EVA1C: variants seen among roughly 807,000 people sequenced by gnomAD.
EVA1C encodes the protein eva-1 homolog C.
A neutral mutation model predicts 45.4 loss-of-function variants in EVA1C; 25 were observed. The observed-to-expected ratio is 0.55, with a 90% CI of 0.40 to 0.77. EVA1C has a LOEUF of 0.77. Among genes scored for constraint, EVA1C ranks in the 30% least tolerant of loss-of-function variants. EVA1C has a pLI of 0.00. For missense variants in EVA1C, 479 were observed against 554.8 expected (o/e 0.86, Z 1.37); for synonymous variants, 190 against 221.2 (o/e 0.86, Z 1.25).
At chr21:32,489,186 T>C (rs530117650) in intron 4 of EVA1C, among the ~76,000 whole-genome samples, 45 of 152,376 alleles carry the variant, frequency 3.0e-4, no homozygotes, top group African/African-American at 1.1e-3. Flanking sequence ...TCAAGGAGTT[T>C]TCCCCCTGGG....
chr21:32,457,045 A>G (rs2035807625), intron 2 of EVA1C, among the ~76,000 whole-genome samples: 1 of 152,206 alleles, frequency 6.6e-6, no homozygotes, highest in South Asian at 2.1e-4. Flanking sequence ...GAGGGTGGGA[A>G]TCAGCTTTGT....
At chr21:32,497,079 T>A in intron 5 of EVA1C, 1 of 1,032,136 alleles carries the variant, frequency 9.7e-7, no homozygotes, top group East Asian at 2.4e-5. Context: ...GACAGGATGG[T>A]CTGCTTTTTA....
intron 5 of EVA1C, among the ~76,000 whole-genome samples, chr21:32,500,444 C>T (rs767675747): frequency 2.6e-4 from 40 of 152,000 alleles, no homozygotes; most frequent in Admixed American, 6.6e-5. Context: ...AGCCATCATG[C>T]CCAGCCCAGA....
intron 4 of EVA1C, among the ~76,000 whole-genome samples, chr21:32,480,673 AC>A (rs1391313508): frequency 6.6e-6 from 1 of 152,056 alleles, no homozygotes; most frequent in Non-Finnish European, 1.5e-5. Flanking sequence ...GTCTCAAAAA[AC>A]TTTTTTTGCC....
chr21:32,451,719 G>A (rs1425353079), intron 1 of EVA1C, among the ~76,000 whole-genome samples: 1 of 152,200 alleles, frequency 6.6e-6, no homozygotes, highest in Admixed American at 6.5e-5. Flanking sequence ...GGCCGGCAAC[G>A]CTCGGCATTC....
Position 32,413,899 on chromosome 21 carries a change from C to T in EVA1C, c.160+886C>T, listed in dbSNP as rs1474492488. Reference sequence around the variant, plus strand: ...TTAGGGAGCAGCTCTGAGCCCCATACTCCTCCTTCTCCAGGGATCTTCTGC... The same window carrying T: ...TTAGGGAGCAGCTCTGAGCCCCATATTCCTCCTTCTCCAGGGATCTTCTGC... On this transcript the variant is annotated intron_variant, in intron 1 of 7. Coordinates refer to ENST00000300255, the MANE Select transcript of EVA1C (RefSeq NM_058187.5). Among the ~76,000 whole-genome samples the T allele has an allele frequency of 8.5e-5, 13 of 152,226 alleles. 1 individual carries two copies. Among genetic ancestry groups the T allele is most frequent in the Non-Finnish European group, 1.5e-5 (1 of 68,040 alleles).
Position 32,467,719 on chromosome 21 carries a change from T to C in EVA1C, c.505T>C (p.Cys169Arg). 2 of 1,608,180 alleles carry C rather than the reference T, an allele frequency of 1.2e-6. No individual in the cohort carries two copies. Among genetic ancestry groups the C allele is most frequent in the Non-Finnish European group, 1.7e-6 (2 of 1,177,824 alleles). ...AGATGAATTAAAAAACAAAACCGTG[T>C]GTGAAGACCAGGAGCTGAAACTGCA... Reference protein sequence around the residue: ...QPNELKNKTVCEDQELKLHCH... With the variant: ...QPNELKNKTVREDQELKLHCH... Residue 169 changes from cysteine to arginine, a missense_variant, in exon 4 of 8, where the codon TGT (cysteine) becomes CGT (arginine). Around this residue, in one of 3 missense-constraint regions of EVA1C, gnomAD observed 366 missense variants for 426.1 expected, o/e 0.86. Transcript: ENST00000300255.
intron 1 of EVA1C, among the ~76,000 whole-genome samples, chr21:32,442,781 C>A (rs920381938): frequency 6.6e-6 from 1 of 151,550 alleles, no homozygotes; most frequent in Non-Finnish European, 1.5e-5. Context: ...GACTTTAGCA[C>A]ACCGATGTGG....
chr21:32,459,739 G>A (rs2035927388), intron 3 of EVA1C, among the ~76,000 whole-genome samples: 1 of 151,768 alleles, frequency 6.6e-6, no homozygotes, highest in South Asian at 2.1e-4. Flanking sequence ...TAGTAGGGAG[G>A]CTGAGGCAGG....
chr21:32,417,733 TG>T (rs2146100201), intron 1 of EVA1C, among the ~76,000 whole-genome samples: 1 of 152,318 alleles, frequency 6.6e-6, no homozygotes, highest in South Asian at 2.1e-4. Flanking sequence ...TTGTTCATTT[TG>T]GAGAGGTTGA....
intron 4 of EVA1C, among the ~76,000 whole-genome samples, chr21:32,481,669 C>T (rs187440534): frequency 1.1e-4 from 16 of 152,232 alleles, no homozygotes; most frequent in Admixed American, 2.0e-4. Context: ...AAACTGTCTT[C>T]TATTTAGACA....
chr21:32,460,438 C>T (rs1219486673), intron 3 of EVA1C, among the ~76,000 whole-genome samples: 1 of 152,204 alleles, frequency 6.6e-6, no homozygotes, highest in Non-Finnish European at 1.5e-5. Flanking sequence ...TTATTTGTGG[C>T]TTGTGTATGA....
chr21:32,511,419 CAAA>C (rs749141703), intron 7 of EVA1C, among the ~76,000 whole-genome samples: 13 of 47,608 alleles, frequency 2.7e-4, no homozygotes, highest in East Asian at 6.3e-4. Context: ...AACTCCGTCT[CAAA>C]AAAAAAAAAA....
At chr21:32,501,649 G>C (rs2037535301) in intron 6 of EVA1C, 154 bp downstream of exon 6, 1 of 827,630 alleles carries the variant, frequency 1.2e-6, no homozygotes, top group Non-Finnish European at 1.7e-6. Flanking sequence ...CTTATTATCG[G>C]CCAATAGTTG....
At chr21:32,413,262 G>C (rs773554555) in intron 1 of EVA1C, among the ~76,000 whole-genome samples, 1 of 152,360 alleles carries the variant, frequency 6.6e-6, no homozygotes, top group South Asian at 2.1e-4. Context: ...TGTTGACCTC[G>C]TCAATTTCCT....
chr21:32,430,338 A>C (rs2034650677), intron 1 of EVA1C, among the ~76,000 whole-genome samples: 1 of 152,042 alleles, frequency 6.6e-6, no homozygotes, highest in South Asian at 2.1e-4. Context: ...AGTCACCCAC[A>C]TAATGACAGG....
At position 32,467,846 on chromosome 21, in the gene EVA1C, T is replaced by C; in HGVS notation, c.632T>C (p.Phe211Ser). The C allele has an allele frequency of 6.2e-7, 1 of 1,607,852 alleles. No individual in the cohort carries two copies. Among genetic ancestry groups the C allele is most frequent in the East Asian group, 2.3e-5 (1 of 44,440 alleles). The part of the protein sequence containing the change: ...CSSKAERLPP[F>S]DCLSYSALQV... ...TCCAAGGCAGAGCGGCTCCCCCCTT[T>C]CGGTATGTGCTTTTGTGTGTGTATT... The change falls in exon 4 of 8, where the codon TTC (phenylalanine) becomes TCC (serine). Residue 211 changes from phenylalanine to serine, a missense_variant and splice_region_variant. Coordinates refer to ENST00000300255, the MANE Select transcript of EVA1C (RefSeq NM_058187.5).
At chr21:32,457,794 T>C in intron 3 of EVA1C, 74 bp downstream of exon 3, 1 of 1,571,280 alleles carries the variant, frequency 6.4e-7, no homozygotes, top group South Asian at 1.1e-5. Context: ...GTCAAAATTC[T>C]CTGCCCGTTG....
chr21:32,416,123 A>G (rs2034026962), intron 1 of EVA1C, among the ~76,000 whole-genome samples: 1 of 134 alleles, frequency 7.5e-3, no homozygotes, highest in South Asian at 0.17. Context: ...AAAGCAAGGG[A>G]TCCTCATATT....
Sources: gnomAD v4.1 joint callset for allele counts (sites outside exome capture counted in the v4.1 genomes callset) on GRCh38, gnomAD v4.1.1 for gene constraint, gnomAD v4.1.1 regional missense constraint, MANE v1.5 for transcripts, NCBI Gene and HGNC (gene_info 2026-07-23, HGNC 2026-07-21) for gene names.